The following CAMK1D variants were observed in gnomAD, a reference collection of about 807,000 sequenced individuals.
CAMK1D encodes the protein calcium/calmodulin-dependent protein kinase type 1D.
Under a neutral mutation model 47.7 loss-of-function variants are expected in CAMK1D, and 9 were observed. The observed-to-expected ratio is 0.19, with a 90% CI of 0.11 to 0.33. The LOEUF is 0.33. Ranked by LOEUF, CAMK1D falls within the 10% of genes least tolerant of loss-of-function variation. CAMK1D has a pLI of 1.00. For synonymous variants in CAMK1D, 184 were observed against 184.9 expected, an observed-to-expected ratio of 0.99 and a Z score of 0.04; for missense variants, 291 against 488.7, an observed-to-expected ratio of 0.60 and a Z score of 3.81.
At chr10:12,733,992 C>T (rs1835014779) in intron 3 of CAMK1D, among the ~76,000 whole-genome samples, 2 of 151,684 alleles carry the variant, frequency 1.3e-5, no homozygotes, top group Non-Finnish European at 2.9e-5. Flanking sequence ...TGGGCTAAAT[C>T]CTAGATCTCT....
At chr10:12,705,379 T>C (rs944252444) in intron 3 of CAMK1D, among the ~76,000 whole-genome samples, 2 of 152,032 alleles carry the variant, frequency 1.3e-5, no homozygotes, top group Non-Finnish European at 2.9e-5. Context: ...GAGAATCACT[T>C]GAACCCGGGG....
intron 3 of CAMK1D, among the ~76,000 whole-genome samples, chr10:12,737,449 C>T (rs1835238495): frequency 6.6e-6 from 1 of 152,212 alleles, no homozygotes. Flanking sequence ...CCGGGCTGCA[C>T]TGCCCAGTGA....
At chr10:12,553,549 G>C (rs1397583854) in intron 2 of CAMK1D, among the ~76,000 whole-genome samples, 193 bp downstream of exon 2, 1 of 152,294 alleles carries the variant, frequency 6.6e-6, no homozygotes, top group Admixed American at 6.5e-5. Context: ...CACGGCCATG[G>C]TTGGGAGTAG....
chr10:12,428,220 T>A (rs990871342), intron 1 of CAMK1D, among the ~76,000 whole-genome samples: 1 of 152,060 alleles, frequency 6.6e-6, no homozygotes, highest in African/African-American at 2.4e-5. Flanking sequence ...CCCCTCCCTG[T>A]GTCCATGTGT....
At chr10:12,598,631 C>T (rs1397991319) in intron 2 of CAMK1D, among the ~76,000 whole-genome samples, 5 of 152,108 alleles carry the variant, frequency 3.3e-5, no homozygotes, top group African/African-American at 1.2e-4. Context: ...CATAGAGCAT[C>T]ACTGTCTGGG....
intron 2 of CAMK1D, among the ~76,000 whole-genome samples, chr10:12,593,676 A>G (rs966262582): frequency 4.0e-5 from 6 of 151,854 alleles, no homozygotes; most frequent in Admixed American, 6.6e-5. Flanking sequence ...CCCAAAAGCT[A>G]TTGGAATTTT....
chr10:12,433,110 C>T (rs1832535664), intron 1 of CAMK1D, among the ~76,000 whole-genome samples: 1 of 152,206 alleles, frequency 6.6e-6, no homozygotes, highest in Admixed American at 6.5e-5. Context: ...AAAGCACACA[C>T]CAGGTGCTCG....
At chr10:12,564,141 C>CTGTCTG (rs1409673219) in intron 2 of CAMK1D, among the ~76,000 whole-genome samples, 1 of 95,248 alleles carries the variant, frequency 1.0e-5, no homozygotes, top group African/African-American at 3.7e-5. Context: ...CTCTCTCTCT[C>CTGTCTG]TCTCTGTCTC....
intron 1 of CAMK1D, among the ~76,000 whole-genome samples, chr10:12,356,740 A>G (rs907755959): frequency 1.8e-4 from 28 of 151,762 alleles, no homozygotes; most frequent in Non-Finnish European, 2.5e-4. Context: ...AAAAAAAAAA[A>G]AAAGAAAAGG....
chr10:12,433,938 C>T (rs564428287), intron 1 of CAMK1D, among the ~76,000 whole-genome samples: 1 of 152,310 alleles, frequency 6.6e-6, no homozygotes, highest in Admixed American at 6.5e-5. Flanking sequence ...ATCTACAAGT[C>T]CCTCCTCTGA....
intron 1 of CAMK1D, among the ~76,000 whole-genome samples, chr10:12,506,250 T>A (rs1180102200): frequency 1.3e-5 from 2 of 151,926 alleles, no homozygotes; most frequent in Non-Finnish European, 2.9e-5. Context: ...GAAACCCCCG[T>A]CTCTACTAAA....
chr10:12,587,183 C>G (rs2132351586), intron 2 of CAMK1D, among the ~76,000 whole-genome samples: 1 of 152,276 alleles, frequency 6.6e-6, no homozygotes, highest in East Asian at 1.9e-4. Flanking sequence ...AAACAAACTT[C>G]TCTGCAATGT....
intron 1 of CAMK1D, among the ~76,000 whole-genome samples, chr10:12,352,406 C>T (rs536323587): frequency 3.2e-4 from 49 of 152,174 alleles, no homozygotes; most frequent in African/African-American, 1.0e-3. Context: ...GTCAGGAGTT[C>T]GAGACCAGCC....
chr10:12,713,219 C>T (rs1157954136), intron 3 of CAMK1D, among the ~76,000 whole-genome samples: 6 of 152,130 alleles, frequency 3.9e-5, no homozygotes, highest in East Asian at 1.9e-4. Flanking sequence ...TACAAGCGCA[C>T]GCCACCAGGC....
At chr10:12,675,589 C>G (rs572314957) in intron 3 of CAMK1D, among the ~76,000 whole-genome samples, 20 of 152,352 alleles carry the variant, frequency 1.3e-4, no homozygotes, top group Middle Eastern at 6.8e-3. Flanking sequence ...TTTTCCTCGT[C>G]TCTATACCTA....
intron 2 of CAMK1D, among the ~76,000 whole-genome samples, chr10:12,577,311 C>A (rs1837521004): frequency 6.6e-6 from 1 of 152,170 alleles, no homozygotes; most frequent in African/African-American, 2.4e-5. Flanking sequence ...AGGAACTATG[C>A]CTCCAGCCCT....
At chr10:12,406,540 CTACAAAA>C (rs1457208222) in intron 1 of CAMK1D, among the ~76,000 whole-genome samples, 1 of 151,182 alleles carries the variant, frequency 6.6e-6, no homozygotes, top group African/African-American at 2.4e-5. Context: ...GACCCTGTCT[CTACAAAA>C]AACAAAAAAC....
rs1427691225 is a variant in CAMK1D at position 12,749,574 on chromosome 10, G to GTTTT, written c.300-11373_300-11370dup. On this transcript the variant is annotated intron_variant, in intron 3 of 10. Transcript: ENST00000619168. ...TTTTTGTTTGTTTGTTTGTTTGTTT[G>GTTTT]TTTTGATGAAGTCTCGCTCTGTCAC... 6.2e-5 allele frequency among the ~76,000 whole-genome samples: 9 copies of GTTTT among 144,722 alleles called. 2 individuals are homozygous for GTTTT. The highest frequency in any genetic ancestry group is 2.1e-4 in the African/African-American group (8 of 38,792). The allele number at this position is 144,722 out of a possible 152,430, so 94.9% of individuals were successfully genotyped here. A position where few individuals can be genotyped will look rare whatever the true frequency, so the allele number is the denominator to read the frequency against.
chr10:12,668,071 C>T (rs1272635697), intron 3 of CAMK1D, among the ~76,000 whole-genome samples: 3 of 152,108 alleles, frequency 2.0e-5, no homozygotes, highest in Non-Finnish European at 4.4e-5. Context: ...CATGTTAACT[C>T]GAGTTACCTT....
Sources: allele counts gnomAD v4.1 joint callset (sites outside exome capture counted in the v4.1 genomes callset), GRCh38; gene constraint gnomAD v4.1.1; transcripts MANE v1.5; gene names NCBI Gene and HGNC (gene_info 2026-07-23, HGNC 2026-07-21).